The following WDR43 variants were observed in gnomAD, a reference collection of about 807,000 sequenced individuals.
WDR43 encodes the protein WD repeat-containing protein 43.
WDR43 carries 13 observed loss-of-function variants against 91.4 expected under a neutral mutation model. That is an observed-to-expected ratio of 0.14 (90% CI 0.09 to 0.23). The LOEUF is 0.23. WDR43 is among the 10% of genes least tolerant of loss of function. The probability of loss-of-function intolerance (pLI) is 1.00; values close to 1 mark genes in which losing one functional copy is unlikely to be tolerated. For synonymous variants in WDR43, 331 were observed against 287.9 expected, an observed-to-expected ratio of 1.15 and a Z score of -1.51; for missense variants, 780 against 809.4, an observed-to-expected ratio of 0.96 and a Z score of 0.44.
At chr2:28,930,477 A>G (rs892160526) in intron 11 of WDR43, among the ~76,000 whole-genome samples, 2 of 152,202 alleles carry the variant, frequency 1.3e-5, no homozygotes, top group South Asian at 2.1e-4. Context: ...TCCATAACCT[A>G]TGAATAGTGT....
chr2:28,898,774 A>T (rs1360336472), intron 1 of WDR43, among the ~76,000 whole-genome samples: 1 of 152,066 alleles, frequency 6.6e-6, no homozygotes, highest in Non-Finnish European at 1.5e-5. Flanking sequence ...TTGTTTCTAT[A>T]TGTGTATTTT....
At position 28,912,618 on chromosome 2, in the gene WDR43, A is replaced by C. The variant is rs367919374; in HGVS notation, c.514A>C (p.Ser172Arg). 6.2e-7 allele frequency: 1 copy of C among 1,613,848 alleles called. No homozygotes were observed. The highest frequency in any genetic ancestry group is 2.2e-5 in the East Asian group (1 of 44,884). Reference sequence around the variant, plus strand: ...ATGGAAAGGCGACAATAGCAGTGTCAGTTCCCTATGTATCAGCCCAGATGG... The same window carrying C: ...ATGGAAAGGCGACAATAGCAGTGTCCGTTCCCTATGTATCAGCCCAGATGG... ...CKWKGDNSSV[S>R]SLCISPDGKM... The change falls in exon 4 of 18, where the codon AGT becomes CGT. Residue 172 changes from serine to arginine, a missense_variant. Around this residue, in one of 4 missense-constraint regions of WDR43, gnomAD observed 174 missense variants for 207.3 expected, o/e 0.84. Coordinates refer to ENST00000407426, the MANE Select transcript of WDR43 (RefSeq NM_015131.3).
chr2:28,925,647 T>A (rs1352547927), intron 8 of WDR43, among the ~76,000 whole-genome samples: 2 of 152,216 alleles, frequency 1.3e-5, no homozygotes, highest in Non-Finnish European at 2.9e-5. Flanking sequence ...ACTAGAGACG[T>A]TTCTTGAAGA....
At chr2:28,915,269 C>T (rs1185703671) in intron 5 of WDR43, among the ~76,000 whole-genome samples, 2 of 152,088 alleles carry the variant, frequency 1.3e-5, no homozygotes, top group Non-Finnish European at 2.9e-5. Flanking sequence ...TGTAATTAAA[C>T]GGATTTGGTT....
chr2:28,925,646 G>A (rs533217527), intron 8 of WDR43, among the ~76,000 whole-genome samples: 11 of 152,270 alleles, frequency 7.2e-5, no homozygotes, highest in African/African-American at 1.9e-4. Context: ...TACTAGAGAC[G>A]TTTCTTGAAG....
At chr2:28,929,783 C>A in intron 11 of WDR43, 73 bp downstream of exon 11, 1 of 1,461,496 alleles carries the variant, frequency 6.8e-7, no homozygotes, top group Non-Finnish European at 9.4e-7. Context: ...ATAGCACATT[C>A]ACAGCTGTGA....
chr2:28,921,643 T>C lies in WDR43; in HGVS notation c.850-1276T>C, dbSNP rs548159505. On this transcript the variant is annotated intron_variant, in intron 6 of 17. Transcript: ENST00000407426. Reference sequence around the variant, plus strand: ...CAGTTAGAGATTAGATTTGGATGCCTGTCAGTTGGAGTTGCAGAACGGGGA... The same window carrying C: ...CAGTTAGAGATTAGATTTGGATGCCCGTCAGTTGGAGTTGCAGAACGGGGA... Among the ~76,000 whole-genome samples the C allele has an allele frequency of 5.1e-4, 77 of 152,332 alleles. 1 individual carries two copies. The highest frequency in any genetic ancestry group is 1.8e-3 in the African/African-American group (75 of 41,592).
chr2:28,900,967 C>G (rs913315773), intron 1 of WDR43, among the ~76,000 whole-genome samples: 1 of 152,200 alleles, frequency 6.6e-6, no homozygotes, highest in Admixed American at 6.5e-5. Context: ...CTCCCTGACA[C>G]TCTTTATGCA....
intron 11 of WDR43, among the ~76,000 whole-genome samples, chr2:28,933,994 G>A (rs1290862589): frequency 6.6e-6 from 1 of 152,124 alleles, no homozygotes; most frequent in Admixed American, 6.5e-5. Flanking sequence ...TTTACCAGGA[G>A]AATAACACAC....
intron 6 of WDR43, among the ~76,000 whole-genome samples, chr2:28,918,971 G>T (rs77252707): frequency 0.032 from 4,923 of 152,196 alleles, 263 homozygotes; most frequent in African/African-American, 0.11. Flanking sequence ...AGTGTTTCAG[G>T]GGAAAAAGCA....
intron 16 of WDR43, among the ~76,000 whole-genome samples, chr2:28,943,895 T>A (rs1671493020): frequency 1.3e-5 from 2 of 152,144 alleles, no homozygotes; most frequent in African/African-American, 4.8e-5. Context: ...ACATGTGCAT[T>A]CTTTTTAGAG....
intron 1 of WDR43, among the ~76,000 whole-genome samples, chr2:28,896,426 TTTAAGTG>T (rs1670482961): frequency 6.6e-6 from 1 of 152,234 alleles, no homozygotes; most frequent in African/African-American, 2.4e-5. Context: ...AGGTAAGTGC[TTTAAGTG>T]TTAAGTATTA....
chr2:28,917,430 A>G (rs1489513045), intron 5 of WDR43, among the ~76,000 whole-genome samples: 1 of 152,230 alleles, frequency 6.6e-6, no homozygotes. Flanking sequence ...TTCAACGCAG[A>G]CGCATTCAAA....
chr2:28,905,665 C>CTT (rs942200958), intron 2 of WDR43, among the ~76,000 whole-genome samples: 19 of 80,130 alleles, frequency 2.4e-4, no homozygotes, highest in African/African-American at 5.0e-4. Flanking sequence ...CTCTTCTTCT[C>CTT]TTTTTTTTTT....
At chr2:28,894,980 C>T (rs2148174108) in intron 1 of WDR43, 57 bp downstream of exon 1, 1 of 1,434,996 alleles carries the variant, frequency 7.0e-7, no homozygotes, top group Non-Finnish European at 9.2e-7. Context: ...CTTCGGGCCT[C>T]CGGGCCGGGT....
intron 9 of WDR43, chr2:28,927,355 T>G: frequency 1.7e-6 from 1 of 575,548 alleles, no homozygotes; most frequent in South Asian, 2.1e-5. Flanking sequence ...TTTACTCTTA[T>G]GTGGTATTGT....
chr2:28,927,536 CT>C, intron 9 of WDR43, 32 bp from the exon 10 acceptor site: 1 of 1,608,790 alleles, frequency 6.2e-7, no homozygotes, highest in Non-Finnish European at 8.5e-7. Flanking sequence ...GTATGATTTC[CT>C]TTTTCACACT....
At chr2:28,937,802 T>G in intron 13 of WDR43, 129 bp from the exon 14 acceptor site, 1 of 820,030 alleles carries the variant, frequency 1.2e-6, no homozygotes, top group Non-Finnish European at 2.0e-6. Context: ...CACAGTGATA[T>G]ATTTATTACA....
chr2:28,900,039 A>G (rs548872652), intron 1 of WDR43, among the ~76,000 whole-genome samples: 12 of 152,322 alleles, frequency 7.9e-5, no homozygotes, highest in African/African-American at 2.2e-4. Flanking sequence ...GTAAATTTCT[A>G]AAATTTCTTT....
Sources: gnomAD v4.1 joint callset for allele counts (sites outside exome capture counted in the v4.1 genomes callset) on GRCh38, gnomAD v4.1.1 for gene constraint, gnomAD v4.1.1 regional missense constraint, MANE v1.5 for transcripts, NCBI Gene and HGNC (gene_info 2026-07-23, HGNC 2026-07-21) for gene names.